The following ARHGAP15 variants were observed in gnomAD, a reference collection of about 807,000 sequenced individuals.
ARHGAP15 encodes the protein rho GTPase-activating protein 15.
In ARHGAP15, 51 loss-of-function variants were observed where a neutral mutation model predicts 63.7. The observed-to-expected ratio is 0.80, with a 90% CI of 0.64 to 1.01. The LOEUF is 1.01. ARHGAP15 is among the 50% of genes least tolerant of loss of function. The pLI is 0.00. For missense variants in ARHGAP15, 560 were observed against 564.6 expected, an observed-to-expected ratio of 0.99 and a Z score of 0.08; for synonymous variants, 191 against 193.8, an observed-to-expected ratio of 0.99 and a Z score of 0.12.
chr2:143,559,049 G>T (rs1262737668), intron 11 of ARHGAP15, among the ~76,000 whole-genome samples: 2 of 152,048 alleles, frequency 1.3e-5, no homozygotes, highest in African/African-American at 4.8e-5. Context: ...GGATAAAATA[G>T]CCCTAGCCTC....
intron 2 of ARHGAP15, among the ~76,000 whole-genome samples, chr2:143,158,322 A>G (rs1690161770): frequency 6.6e-6 from 1 of 151,932 alleles, no homozygotes; most frequent in Non-Finnish European, 1.5e-5. Context: ...ATTCTTAGTT[A>G]TCTTAAATGA....
chr2:143,254,468 G>T lies in ARHGAP15; in HGVS notation c.474+3868G>T, dbSNP rs1680317929. 5.9e-5 allele frequency among the ~76,000 whole-genome samples: 9 copies of T among 151,758 alleles called. No homozygotes were observed. The South Asian group carries it at 1.9e-3, about 32-fold the overall frequency. Reference sequence around the variant, plus strand: ...TTTCTAAGTTGAAGGAAATTTTTCAGTTAGGTTTTGTCTTTTCCTTTGAAC... The same window carrying T: ...TTTCTAAGTTGAAGGAAATTTTTCATTTAGGTTTTGTCTTTTCCTTTGAAC... On this transcript the variant is annotated intron_variant, in intron 6 of 13. Coordinates refer to ENST00000295095, the MANE Select transcript of ARHGAP15 (RefSeq NM_018460.4).
chr2:143,633,767 G>A (rs1680167078), intron 12 of ARHGAP15, among the ~76,000 whole-genome samples: 1 of 152,108 alleles, frequency 6.6e-6, no homozygotes, highest in Non-Finnish European at 1.5e-5. Flanking sequence ...TTGAGTGGTT[G>A]GTTTTCACTG....
intron 13 of ARHGAP15, among the ~76,000 whole-genome samples, chr2:143,714,170 C>T (rs1379598744): frequency 6.6e-6 from 1 of 152,236 alleles, no homozygotes; most frequent in African/African-American, 2.4e-5. Flanking sequence ...TAAATCTAGG[C>T]AGAGGTTCCC....
At chr2:143,381,637 A>T (rs1687057438) in intron 6 of ARHGAP15, among the ~76,000 whole-genome samples, 1 of 152,124 alleles carries the variant, frequency 6.6e-6, no homozygotes, top group African/African-American at 2.4e-5. Context: ...ACTTTGGGGG[A>T]GCAGTTCCTG....
At chr2:143,347,688 C>T (rs553107509) in intron 6 of ARHGAP15, among the ~76,000 whole-genome samples, 1 of 152,066 alleles carries the variant, frequency 6.6e-6, no homozygotes, top group South Asian at 2.1e-4. Context: ...CTGGATGTTG[C>T]GTTAGGAATG....
intron 9 of ARHGAP15, among the ~76,000 whole-genome samples, chr2:143,497,279 C>A (rs931573118): frequency 1.3e-5 from 2 of 152,096 alleles, no homozygotes; most frequent in African/African-American, 4.8e-5. Context: ...TGGAGACAAC[C>A]AAAAGTCAGG....
In ARHGAP15 at chr2:143,509,449, C is replaced by T. The variant is rs550569940; in HGVS notation, c.827-9817C>T. Among the ~76,000 whole-genome samples the T allele has an allele frequency of 8.8e-4, 134 of 152,194 alleles. 2 individuals carry two copies. The highest frequency in any genetic ancestry group is 8.1e-3 in the South Asian group (39 of 4,818). On this transcript the variant is annotated intron_variant, in intron 9 of 13. Coordinates refer to ENST00000295095, the MANE Select transcript of ARHGAP15 (RefSeq NM_018460.4). ...TATCTATGTAACATAAAGCAGCAAC[C>T]GATATTTCTAATCAAAGCCCCAAAG...
chr2:143,331,624 C>T lies in ARHGAP15; in HGVS notation c.474+81024C>T, dbSNP rs1329858931. 3.3e-5 allele frequency among the ~76,000 whole-genome samples: 5 copies of T among 152,166 alleles called. No homozygotes were observed. In the East Asian group the frequency reaches 9.6e-4, roughly 29 times the overall value. ...TTTAGCAGCAAGGATTATATAGACA[C>T]ATCTGCTTTCATATATCTCTTTCCA... On this transcript the variant is annotated intron_variant, in intron 6 of 13. Coordinates refer to ENST00000295095, the MANE Select transcript of ARHGAP15 (RefSeq NM_018460.4).
intron 1 of ARHGAP15, among the ~76,000 whole-genome samples, chr2:143,149,559 G>C (rs1167708423): frequency 1.3e-5 from 2 of 151,800 alleles, no homozygotes; most frequent in Admixed American, 6.6e-5. Context: ...AGAAGATACA[G>C]GGCTTTTGGG....
At chr2:143,292,065 C>A (rs1339922598) in intron 6 of ARHGAP15, among the ~76,000 whole-genome samples, 1 of 151,836 alleles carries the variant, frequency 6.6e-6, no homozygotes, top group East Asian at 1.9e-4. Flanking sequence ...CAGCCAAGTG[C>A]CCCAAATTAA....
At chr2:143,744,712 A>G (rs1023726191) in intron 13 of ARHGAP15, among the ~76,000 whole-genome samples, 11 of 152,202 alleles carry the variant, frequency 7.2e-5, no homozygotes, top group African/African-American at 2.7e-4. Context: ...TTAACCACCA[A>G]CATTAGTACA....
At chr2:143,277,286 G>A (rs1190236220) in intron 6 of ARHGAP15, among the ~76,000 whole-genome samples, 5 of 151,778 alleles carry the variant, frequency 3.3e-5, no homozygotes, top group South Asian at 4.2e-4. Context: ...GTTTCATTAC[G>A]TATCATTTGT....
At chr2:143,702,613 T>G (rs1038808587) in intron 12 of ARHGAP15, among the ~76,000 whole-genome samples, 1 of 152,158 alleles carries the variant, frequency 6.6e-6, no homozygotes, top group African/African-American at 2.4e-5. Flanking sequence ...AAACACAAAC[T>G]TATCCTCTTA....
intron 2 of ARHGAP15, among the ~76,000 whole-genome samples, chr2:143,185,824 T>G (rs1469306304): frequency 6.6e-6 from 1 of 152,180 alleles, no homozygotes; most frequent in Non-Finnish European, 1.5e-5. Context: ...ATTTAAAAAT[T>G]TTCTAACCCC....
intron 6 of ARHGAP15, among the ~76,000 whole-genome samples, chr2:143,420,634 C>T (rs182700301): frequency 2.0e-5 from 3 of 152,204 alleles, no homozygotes; most frequent in Middle Eastern, 3.4e-3. Flanking sequence ...CTTTGGAGTC[C>T]GCTTAGAATC....
At chr2:143,763,281 A>C (rs1452744410) in intron 13 of ARHGAP15, among the ~76,000 whole-genome samples, 1 of 152,124 alleles carries the variant, frequency 6.6e-6, no homozygotes. Context: ...TCCTAAATCA[A>C]CCACTTAACT....
intron 10 of ARHGAP15, among the ~76,000 whole-genome samples, chr2:143,546,930 AAAG>A (rs1305651502): frequency 4.6e-5 from 7 of 152,134 alleles, no homozygotes; most frequent in Non-Finnish European, 7.4e-5. Flanking sequence ...TTTTTAAAAA[AAAG>A]AAGATGTAAG....
At chr2:143,249,176 C>T (rs1269463365) in intron 5 of ARHGAP15, among the ~76,000 whole-genome samples, 1 of 152,000 alleles carries the variant, frequency 6.6e-6, no homozygotes, top group East Asian at 1.9e-4. Flanking sequence ...TGGGTTTCTC[C>T]TGAGGTTACT....
Sources: gnomAD v4.1 joint callset for allele counts (sites outside exome capture counted in the v4.1 genomes callset) on GRCh38, gnomAD v4.1.1 for gene constraint, MANE v1.5 for transcripts, NCBI Gene and HGNC (gene_info 2026-07-23, HGNC 2026-07-21) for gene names.